The following C11orf65 variants were observed in gnomAD, a reference collection of about 807,000 sequenced individuals.
C11orf65 encodes protein MFI.
Under a neutral mutation model 35.3 loss-of-function variants are expected in C11orf65, and 38 were observed. The ratio of observed to expected loss-of-function variants is 1.08; its 90% CI spans 0.83 to 1.41. The LOEUF is 1.41. C11orf65 is among the 40% of genes most tolerant of loss of function. The probability of loss-of-function intolerance (pLI) is 0.00; values close to 1 mark genes in which losing one functional copy is unlikely to be tolerated. For synonymous variants in C11orf65, 105 were observed against 114.4 expected (o/e 0.92, Z 0.53); for missense variants, 370 against 367.1 (o/e 1.01, Z -0.06).
chr11:108,391,497 A>G (rs150776588), intron 7 of C11orf65, among the ~76,000 whole-genome samples: 1 of 152,186 alleles, frequency 6.6e-6, no homozygotes, highest in Admixed American at 6.5e-5. Context: ...CTCCTGCCTC[A>G]GCCTCCTGAT....
intron 2 of C11orf65, among the ~76,000 whole-genome samples, chr11:108,453,282 G>A (rs974294279): frequency 6.7e-6 from 1 of 148,442 alleles, no homozygotes; most frequent in South Asian, 2.2e-4. Context: ...AGAAAATAAT[G>A]ACAAACTAAC....
chr11:108,426,979 G>A (rs948238307), intron 3 of C11orf65, among the ~76,000 whole-genome samples: 4 of 152,228 alleles, frequency 2.6e-5, no homozygotes, highest in Admixed American at 6.5e-5. Context: ...AAAATGGCTA[G>A]CCATATGCAG....
intron 3 of C11orf65, among the ~76,000 whole-genome samples, chr11:108,429,945 T>C (rs1290202505): frequency 6.6e-6 from 1 of 152,040 alleles, no homozygotes; most frequent in Non-Finnish European, 1.5e-5. Flanking sequence ...GTCAAATTCA[T>C]AGGGACAGGA....
At chr11:108,317,099 A>AC (rs1337839436) in intron 6 of C11orf65, among the ~76,000 whole-genome samples, 19 of 68,904 alleles carry the variant, frequency 2.8e-4, no homozygotes, top group African/African-American at 1.2e-3. Flanking sequence ...ATACCCAGCT[A>AC]TTTTAAAAAA....
chr11:108,438,007 C>G (rs1256251620), intron 2 of C11orf65, among the ~76,000 whole-genome samples: 2 of 152,090 alleles, frequency 1.3e-5, no homozygotes, highest in Non-Finnish European at 2.9e-5. Context: ...TCAAAACTTA[C>G]TAAAGCTACA....
chr11:108,440,042 A>C (rs2093125869), intron 2 of C11orf65, among the ~76,000 whole-genome samples: 1 of 152,230 alleles, frequency 6.6e-6, no homozygotes, highest in Non-Finnish European at 1.5e-5. Context: ...CTGGTACTTA[A>C]AACAAAAGTG....
chr11:108,403,318 T>C (rs538913029), intron 6 of C11orf65, among the ~76,000 whole-genome samples: 1 of 152,084 alleles, frequency 6.6e-6, no homozygotes, highest in Non-Finnish European at 1.5e-5. Flanking sequence ...TAGTCACTGG[T>C]TGAGTTATGC....
At chr11:108,379,303 A>G (rs1394207955), downstream of C11orf65, among the ~76,000 whole-genome samples, 1 of 152,220 alleles carries the variant, frequency 6.6e-6, no homozygotes, top group African/African-American at 2.4e-5. Context: ...AGCCATAAAA[A>G]ATGATGGGTT....
At chr11:108,433,058 A>G (rs564065099) in intron 2 of C11orf65, among the ~76,000 whole-genome samples, 2 of 152,096 alleles carry the variant, frequency 1.3e-5, no homozygotes, top group African/African-American at 4.8e-5. Context: ...CCTCACCCAC[A>G]TATCAGGGTC....
chr11:108,401,092 G>T (rs1212496903), intron 6 of C11orf65, among the ~76,000 whole-genome samples: 1 of 151,544 alleles, frequency 6.6e-6, no homozygotes, highest in African/African-American at 2.4e-5. Context: ...CTGGGTGACA[G>T]AGTGAGACTC....
At chr11:108,413,502 T>A (rs1028072625) in intron 3 of C11orf65, among the ~76,000 whole-genome samples, 1 of 152,214 alleles carries the variant, frequency 6.6e-6, no homozygotes, top group Non-Finnish European at 1.5e-5. Context: ...ATTTTCCCAT[T>A]TGAATGCCTT....
chr11:108,323,184 C>G (rs565005159), intron 6 of C11orf65, among the ~76,000 whole-genome samples: 1 of 152,058 alleles, frequency 6.6e-6, no homozygotes, highest in African/African-American at 2.4e-5. Flanking sequence ...ATAGTTTTTT[C>G]AAAATGACAT....
intron 2 of C11orf65, among the ~76,000 whole-genome samples, chr11:108,440,392 G>A (rs75079391): frequency 0.013 from 1,909 of 152,282 alleles, 50 homozygotes; most frequent in African/African-American, 0.043. Context: ...AGGCTTCAGC[G>A]GGGATGACTT....
intron 3 of C11orf65, among the ~76,000 whole-genome samples, chr11:108,430,331 G>C (rs1360703296): frequency 6.8e-6 from 1 of 147,990 alleles, no homozygotes; most frequent in Non-Finnish European, 1.5e-5. Context: ...AGTAGAGACA[G>C]GGTTTCGCCA....
rs1276989468 is a variant in C11orf65, at chr11:108,393,328, C to T, written c.611G>A (p.Gly204Glu). ...CCCCTTTGTTGCAGTGTGAATTAGT[C>T]CTAGAGTTTCATGATGTGTTGACTT... is the stretch of plus-strand genomic sequence containing the variant. ...EAKSTHHETL[G>E]LIHTATKGLI... The change falls in exon 7 of 9, where the codon GGA (glycine) becomes GAA (glutamate). Residue 204 changes from glycine (G) to glutamate (E), a missense_variant. Physicochemically the swap from Gly to Glu is moderately conservative, Grantham distance 98. Transcript: ENST00000393084. 4 of 1,613,988 alleles carry T rather than the reference C, an allele frequency of 2.5e-6. No homozygotes were observed. Among genetic ancestry groups the T allele is most frequent in the Admixed American group, 1.7e-5 (1 of 60,008 alleles).
At chr11:108,445,264 T>A (rs1385746969) in intron 2 of C11orf65, among the ~76,000 whole-genome samples, 1 of 152,178 alleles carries the variant, frequency 6.6e-6, no homozygotes, top group Non-Finnish European at 1.5e-5. Flanking sequence ...GTAGTGGTTC[T>A]CCCAGCATGC....
At chr11:108,352,834 T>G (rs1251040869) in intron 2 of C11orf65, among the ~76,000 whole-genome samples, 1 of 152,226 alleles carries the variant, frequency 6.6e-6, no homozygotes, top group African/African-American at 2.4e-5. Context: ...TGTATGATTA[T>G]TCCACTTCCA....
chr11:108,326,360 A>G (rs2136346167), intron 6 of C11orf65: 1 of 1,222,980 alleles, frequency 8.2e-7, no homozygotes, highest in Non-Finnish European at 1.1e-6. Flanking sequence ...TTGTAAAACT[A>G]GTCTTGAAAA....
Position 108,335,004 on chromosome 11 carries a change from T to G in C11orf65, c.299+216A>C. The G allele has an allele frequency of 6.2e-7, 1 of 1,613,748 alleles. No homozygotes were observed. The highest frequency in any genetic ancestry group is 8.5e-7 in the Non-Finnish European group (1 of 1,179,666). On this transcript the variant is annotated intron_variant, in intron 3 of 3. Coordinates refer to the C11orf65 transcript ENST00000524755. ...CAGGAGAATATGGAAATCTGGTGAC[T>G]ATACAGTCATTTAAAGCAGAATTTC...
Sources: allele counts gnomAD v4.1 joint callset (sites outside exome capture counted in the v4.1 genomes callset), GRCh38; gene constraint gnomAD v4.1.1; transcripts MANE v1.5; gene names NCBI Gene and HGNC (gene_info 2026-07-23, HGNC 2026-07-21).